ABHD12: variants seen among roughly 807,000 people sequenced by gnomAD.
The protein encoded by ABHD12 is lysophosphatidylserine lipase ABHD12.
In ABHD12, 43 loss-of-function variants were observed where a neutral mutation model predicts 58.3. That is an observed-to-expected ratio of 0.74 (90% CI 0.58 to 0.95). The LOEUF is 0.95. Among genes scored for constraint, ABHD12 ranks in the 40% least tolerant of loss-of-function variants. The pLI is 0.00. For synonymous variants in ABHD12, 219 were observed against 211.2 expected (o/e 1.04, Z -0.32); for missense variants, 539 against 537.2 (o/e 1.00, Z -0.03).
In ABHD12 at chr20:25,390,757, GCCGC is replaced by G. The variant is rs2090166422; in HGVS notation, c.-58_-55del. 5 of 509,736 alleles carry G rather than the reference GCCGC, an allele frequency of 9.8e-6. No homozygotes were observed. The highest frequency in any genetic ancestry group is 2.6e-5 in the African/African-American group (1 of 39,144). 31.6% of individuals were successfully genotyped at this position (509,736 alleles called of 1,614,324 possible). On this transcript the variant is annotated 5_prime_UTR_variant, in exon 1 of 13. Coordinates refer to ENST00000339157, the MANE Select transcript of ABHD12 (RefSeq NM_001042472.3). The stretch of plus-strand genomic sequence containing the variant: ...GGCGCCCGCTGGCCTGCGCCGCAGT[GCCGC>G]CGCTCACAGCCGCCGCCACCCAGAG...
At chr20:25,316,941 C>G in intron 5 of ABHD12, 107 bp downstream of exon 5, 1 of 1,045,602 alleles carries the variant, frequency 9.6e-7, no homozygotes, top group East Asian at 2.4e-5. Context: ...CACACACAAA[C>G]AGCCCAGCAA....
chr20:25,345,052 A>G (rs1393033265), intron 1 of ABHD12, among the ~76,000 whole-genome samples: 1 of 152,174 alleles, frequency 6.6e-6, no homozygotes, highest in Non-Finnish European at 1.5e-5. Flanking sequence ...GATAACAGAG[A>G]AAAAAATTTA....
intron 2 of ABHD12, among the ~76,000 whole-genome samples, chr20:25,324,386 G>GTACTCATTT (rs2089137731): frequency 6.6e-6 from 1 of 152,176 alleles, no homozygotes; most frequent in Non-Finnish European, 1.5e-5. Context: ...ATATACCATT[G>GTACTCATTT]TAGTCTTACT....
At chr20:25,342,995 A>G (rs963224294) in intron 1 of ABHD12, among the ~76,000 whole-genome samples, 3 of 152,054 alleles carry the variant, frequency 2.0e-5, no homozygotes, top group African/African-American at 7.2e-5. Context: ...GTGTCTCCCT[A>G]TGTTGCCCAG....
intron 9 of ABHD12, among the ~76,000 whole-genome samples, 155 bp from the exon 10 acceptor site, chr20:25,307,070 G>A (rs1046701754): frequency 2.6e-5 from 4 of 152,232 alleles, no homozygotes; most frequent in African/African-American, 9.6e-5. Flanking sequence ...GGGGCCACCA[G>A]AGCTGTGCCC....
rs375856330 is a variant in ABHD12, at chr20:25,390,366, G to A, written c.191+147C>T. The A allele has an allele frequency of 3.6e-6, 3 of 829,764 alleles. No homozygotes were observed. The South Asian group carries it at 8.8e-5, about 24-fold the overall frequency. The allele number at this position is 829,764 out of a possible 1,614,324, so 51.4% of individuals were successfully genotyped here. On this transcript the variant is annotated intron_variant, in intron 1 of 12. Coordinates refer to ENST00000339157, the MANE Select transcript of ABHD12 (RefSeq NM_001042472.3). The stretch of plus-strand genomic sequence containing the variant: ...GTGGGGCTGCCGCGGGCCAAATGCG[G>A]GACACAGGCGCGGACGGGGGCGGCC...
chr20:25,330,021 C>A (rs369661630), intron 2 of ABHD12, among the ~76,000 whole-genome samples: 1 of 152,220 alleles, frequency 6.6e-6, no homozygotes, highest in African/African-American at 2.4e-5. Flanking sequence ...ACACAGAAGA[C>A]GGGTGATTTC....
intron 10 of ABHD12, among the ~76,000 whole-genome samples, chr20:25,304,727 C>T (rs888306787): frequency 1.3e-5 from 2 of 151,912 alleles, no homozygotes; most frequent in African/African-American, 4.8e-5. Flanking sequence ...ACCACCACGC[C>T]TGGCTAATTG....
At chr20:25,333,937 A>G (rs1473516471) in intron 2 of ABHD12, among the ~76,000 whole-genome samples, 1 of 152,214 alleles carries the variant, frequency 6.6e-6, no homozygotes, top group East Asian at 1.9e-4. Context: ...TATTCAACAC[A>G]GTGTTGGAAG....
intron 1 of ABHD12, chr20:25,339,587 AGACAT>A (rs1568742290): frequency 2.0e-6 from 3 of 1,495,210 alleles, no homozygotes; most frequent in Middle Eastern, 1.8e-4. Context: ...TTTTCTTGAA[AGACAT>A]AGAAATAGCT....
At position 25,300,754 on chromosome 20, in the gene ABHD12, C is replaced by T. The variant is rs923146458; in HGVS notation, c.*91G>A. On this transcript the variant is annotated 3_prime_UTR_variant, in exon 13 of 13. Coordinates refer to ENST00000339157, the MANE Select transcript of ABHD12 (RefSeq NM_001042472.3). The stretch of plus-strand genomic sequence containing the variant: ...CTGGGCTCCTGAGCATTGCAGGTGC[C>T]GGCCCCCCGGGGCTTCAGGATACCG... 10 of 1,605,398 alleles carry T rather than the reference C, an allele frequency of 6.2e-6. No homozygotes were observed. Among genetic ancestry groups the T allele is most frequent in the East Asian group, 4.5e-5 (2 of 44,464 alleles).
intron 1 of ABHD12, among the ~76,000 whole-genome samples, chr20:25,385,429 G>C (rs6050573): frequency 0.54 from 81,888 of 151,242 alleles, 22,737 homozygotes; most frequent in Admixed American, 0.61. Flanking sequence ...AGCTACAGAG[G>C]AGAAAAGGTG....
intron 2 of ABHD12, among the ~76,000 whole-genome samples, chr20:25,326,165 G>A: frequency 6.7e-6 from 1 of 148,632 alleles, no homozygotes; most frequent in Non-Finnish European, 1.5e-5. Flanking sequence ...GAGGAAGGAA[G>A]GAAGGGAGAG....
chr20:25,368,318 T>C (rs2089851878), intron 1 of ABHD12: 13 of 1,547,576 alleles, frequency 8.4e-6, no homozygotes, highest in Non-Finnish European at 1.2e-5. Flanking sequence ...CTTGCTGGTC[T>C]TGCCATTCCT....
At chr20:25,367,997 C>A (rs993290817) in intron 1 of ABHD12, among the ~76,000 whole-genome samples, 4 of 152,198 alleles carry the variant, frequency 2.6e-5, no homozygotes, top group African/African-American at 7.2e-5. Flanking sequence ...AGTTTCTGTA[C>A]CATTTTTATT....
rs192643147 is a variant in ABHD12, at chr20:25,353,072, G to A, written c.192-13721C>T. ...GTGATTTTAAATTAGCAGCTCTATC[G>A]CCACCACAGTTCTGTCATCTAATTA... is the stretch of plus-strand genomic sequence containing the variant. On this transcript the variant is annotated intron_variant, in intron 1 of 12. Transcript: ENST00000339157. Among the ~76,000 whole-genome samples, 827 of 152,210 alleles carry A rather than the reference G, an allele frequency of 5.4e-3. 11 individuals are homozygous for A. Among genetic ancestry groups the A allele is most frequent in the African/African-American group, 0.019 (793 of 41,530 alleles).
intron 1 of ABHD12, among the ~76,000 whole-genome samples, chr20:25,360,226 A>ATTTTTT (rs2089726267): frequency 3.6e-4 from 10 of 27,758 alleles, no homozygotes; most frequent in Non-Finnish European, 6.7e-4. Flanking sequence ...TGAACACGTT[A>ATTTTTT]CTTTTTTTTT....
chr20:25,331,265 A>C (rs1190068363), intron 2 of ABHD12, among the ~76,000 whole-genome samples: 2 of 152,212 alleles, frequency 1.3e-5, no homozygotes, highest in Non-Finnish European at 2.9e-5. Flanking sequence ...AAAAAGAATA[A>C]AAAGAAACGA....
chr20:25,373,097 G>A (rs111398543), intron 1 of ABHD12, among the ~76,000 whole-genome samples: 7 of 152,296 alleles, frequency 4.6e-5, no homozygotes, highest in Admixed American at 2.0e-4. Context: ...TAGCCCAGGC[G>A]TGTAATAGGC....
Sources: gnomAD v4.1 joint callset for allele counts (sites outside exome capture counted in the v4.1 genomes callset) on GRCh38, gnomAD v4.1.1 for gene constraint, MANE v1.5 for transcripts, NCBI Gene and HGNC (gene_info 2026-07-23, HGNC 2026-07-21) for gene names.